The following PPARG variants were observed in gnomAD, a reference collection of about 807,000 sequenced individuals.
PPARG encodes the protein peroxisome proliferator-activated receptor gamma.
Under a neutral mutation model 39.2 loss-of-function variants are expected in PPARG, and 17 were observed. The ratio of observed to expected loss-of-function variants is 0.43; its 90% confidence interval spans 0.30 to 0.65. The LOEUF (loss-of-function observed/expected upper bound fraction) is 0.65, where lower values mean the gene tolerates loss of function less well. PPARG is among the 30% of genes least tolerant of loss of function. PPARG has a pLI of 0.13. For synonymous variants in PPARG, 223 were observed against 215.7 expected (o/e 1.03, Z -0.30); for missense variants, 406 against 585.9 (o/e 0.69, Z 3.17).
intron 4 of PPARG, among the ~76,000 whole-genome samples, chr3:12,383,077 C>T (rs1370317883): frequency 6.6e-6 from 1 of 152,178 alleles, no homozygotes; most frequent in Non-Finnish European, 1.5e-5. Flanking sequence ...CAACCTAATA[C>T]AGTGAAAAGG....
intron 1 of PPARG, among the ~76,000 whole-genome samples, chr3:12,291,235 T>G (rs1043145068): frequency 2.6e-5 from 4 of 152,164 alleles, no homozygotes; most frequent in Non-Finnish European, 5.9e-5. Context: ...TCCTGGTAGA[T>G]CTCCACTTTG....
In PPARG at chr3:12,326,275, A is replaced by T. The variant is rs570042953; in HGVS notation, c.-9+13822A>T. On this transcript the variant is annotated intron_variant, in intron 2 of 7. Transcript: ENST00000651735. ...TTATAGTTAGAATTATTCTGCCAAGATGAGCTGAGAAATGGAGGAAATGGA... is the reference window on the plus strand; with the variant it reads ...TTATAGTTAGAATTATTCTGCCAAGTTGAGCTGAGAAATGGAGGAAATGGA... Among the ~76,000 whole-genome samples the T allele has an allele frequency of 5.3e-5, 8 of 152,354 alleles. No homozygotes were observed. The South Asian group carries it at 1.7e-3, about 32-fold the overall frequency.
chr3:12,422,941 G>A (rs1031280833), intron 7 of PPARG, among the ~76,000 whole-genome samples: 8 of 151,944 alleles, frequency 5.3e-5, no homozygotes, highest in Middle Eastern at 3.4e-3. Flanking sequence ...CAGATATTAC[G>A]TATTAATATC....
chr3:12,393,436 A>C (rs2050151048), intron 5 of PPARG, among the ~76,000 whole-genome samples: 1 of 152,014 alleles, frequency 6.6e-6, no homozygotes, highest in Non-Finnish European at 1.5e-5. Flanking sequence ...CTGAGAAAAG[A>C]CCCATGTTTT....
chr3:12,341,245 T>C (rs2048176499), intron 2 of PPARG, among the ~76,000 whole-genome samples: 1 of 151,454 alleles, frequency 6.6e-6, no homozygotes, highest in Admixed American at 6.6e-5. Context: ...TAACTGTCCA[T>C]AGGGCCAAGG....
chr3:12,406,118 G>C (rs747937534), intron 6 of PPARG, 37 bp downstream of exon 6: 1 of 1,602,012 alleles, frequency 6.2e-7, no homozygotes, highest in East Asian at 2.2e-5. Flanking sequence ...GGGGGAGGCG[G>C]GAAGTTGTTT....
intron 6 of PPARG, among the ~76,000 whole-genome samples, chr3:12,413,988 T>C (rs1256092652): frequency 6.6e-6 from 1 of 152,156 alleles, no homozygotes; most frequent in Non-Finnish European, 1.5e-5. Flanking sequence ...TTTTGTGCCC[T>C]ATGTTCAACT....
At chr3:12,412,449 A>G (rs934198441) in intron 6 of PPARG, among the ~76,000 whole-genome samples, 9 of 152,242 alleles carry the variant, frequency 5.9e-5, no homozygotes, top group Admixed American at 3.3e-4. Flanking sequence ...AAATCAAAAT[A>G]TGTCAAAATT....
chr3:12,328,147 C>G (rs968560106), intron 2 of PPARG: 90 of 1,272,176 alleles, frequency 7.1e-5, no homozygotes, highest in Non-Finnish European at 1.0e-4. Flanking sequence ...TCACAATCAA[C>G]TGTTAGAGAA....
intron 5 of PPARG, among the ~76,000 whole-genome samples, chr3:12,402,517 T>A (rs536855976): frequency 1.2e-3 from 188 of 152,378 alleles, no homozygotes; most frequent in African/African-American, 4.2e-3. Context: ...GTTACTCATA[T>A]AATTTATATT....
chr3:12,327,480 C>G (rs28683092), intron 2 of PPARG, among the ~76,000 whole-genome samples: 1,929 of 152,176 alleles, frequency 0.013, 34 homozygotes, highest in African/African-American at 0.044. Context: ...AGTTTGATTC[C>G]AAGCACCCTG....
At chr3:12,381,697 C>T (rs752075145) in intron 4 of PPARG, among the ~76,000 whole-genome samples, 2 of 151,776 alleles carry the variant, frequency 1.3e-5, no homozygotes, top group Non-Finnish European at 2.9e-5. Context: ...CCCACCTCAG[C>T]CTCCCAAAGG....
intron 4 of PPARG, among the ~76,000 whole-genome samples, 194 bp downstream of exon 4, chr3:12,381,685 C>G (rs1392193020): frequency 1.3e-5 from 2 of 152,120 alleles, no homozygotes; most frequent in African/African-American, 4.8e-5. Context: ...TCAAGTGATC[C>G]TCCCACCTCA....
chr3:12,407,155 T>G (rs1439888017), intron 6 of PPARG, among the ~76,000 whole-genome samples: 3 of 151,800 alleles, frequency 2.0e-5, no homozygotes, highest in African/African-American at 7.3e-5. Flanking sequence ...CCTCAGTTTG[T>G]TGTTGTTGTT....
chr3:12,345,368 A>G (rs2048296110), intron 2 of PPARG, among the ~76,000 whole-genome samples: 1 of 152,218 alleles, frequency 6.6e-6, no homozygotes, highest in South Asian at 2.1e-4. Flanking sequence ...GTGGTGAATG[A>G]TGACATTTTC....
chr3:12,376,344 T>C lies in PPARG; in HGVS notation c.-8-3360T>C, dbSNP rs2125160946. ...TGGAGTGAATTTCTTGGCAATCTGCTTGGTAAGAAAAAGCAAGTGGTGTTA... is the reference window on the plus strand; with the variant it reads ...TGGAGTGAATTTCTTGGCAATCTGCCTGGTAAGAAAAAGCAAGTGGTGTTA... On this transcript the variant is annotated intron_variant, in intron 2 of 7. Transcript: ENST00000651735. Among the ~76,000 whole-genome samples the C allele has an allele frequency of 2.6e-5, 4 of 152,184 alleles. 2 individuals carry two copies. Among genetic ancestry groups the C allele is most frequent in the Admixed American group, 2.6e-4 (4 of 15,278 alleles).
chr3:12,373,679 C>T (rs537679231), intron 2 of PPARG, among the ~76,000 whole-genome samples: 1 of 151,872 alleles, frequency 6.6e-6, no homozygotes, highest in South Asian at 2.1e-4. Context: ...AAAAACTGTG[C>T]ATAGAATATG....
At chr3:12,325,545 G>A (rs1256062767) in intron 2 of PPARG, among the ~76,000 whole-genome samples, 1 of 152,074 alleles carries the variant, frequency 6.6e-6, no homozygotes, top group African/African-American at 2.4e-5. Flanking sequence ...AGGTTGCAGT[G>A]AGCCGAGATT....
At chr3:12,341,002 G>C (rs1463382778) in intron 2 of PPARG, among the ~76,000 whole-genome samples, 3 of 152,062 alleles carry the variant, frequency 2.0e-5, no homozygotes, top group Non-Finnish European at 1.5e-5. Flanking sequence ...GGCCAATATG[G>C]TGAAACCTAG....
Sources: gnomAD v4.1 joint callset for allele counts (sites outside exome capture counted in the v4.1 genomes callset) on GRCh38, gnomAD v4.1.1 for gene constraint, MANE v1.5 for transcripts, NCBI Gene and HGNC (gene_info 2026-07-23, HGNC 2026-07-21) for gene names.